Variants in ACSS1 observed in about 807,000 individuals in gnomAD.
ACSS1 encodes the protein acetyl-coenzyme A synthetase 2-like, mitochondrial.
ACSS1 carries 42 observed loss-of-function variants against 75.3 expected under a neutral mutation model. The observed-to-expected ratio is 0.56, with a 90% confidence interval of 0.44 to 0.72. ACSS1 has a LOEUF of 0.72. ACSS1 is among the 30% of genes least tolerant of loss of function. The pLI, the probability that ACSS1 is intolerant of heterozygous loss-of-function variation, is 0.00. For synonymous variants in ACSS1, 380 were observed against 376.8 expected, an observed-to-expected ratio of 1.01 and a Z score of -0.10; for missense variants, 782 against 935.7, an observed-to-expected ratio of 0.84 and a Z score of 2.14.
At chr20:25,033,564 C>T (rs1448661493) in intron 2 of ACSS1, among the ~76,000 whole-genome samples, 1 of 152,222 alleles carries the variant, frequency 6.6e-6, no homozygotes, top group Non-Finnish European at 1.5e-5. Flanking sequence ...TCTAAAATGA[C>T]AAAAACCAGC....
At chr20:25,057,651 G>A (rs1350000754) in intron 1 of ACSS1, 118 bp downstream of exon 1, 11 of 975,848 alleles carry the variant, frequency 1.1e-5, no homozygotes, top group Non-Finnish European at 1.6e-5. Context: ...ACCGGAGGAG[G>A]GGCCCCTGCA....
rs769698707 is a variant in ACSS1, at chr20:25,057,895, C to G, written c.208G>C (p.Ala70Pro). ...CGCGCCAGAGGCCCCCAGAAGGCGG[C>G]CGGCTCCCGGGCTGCCTGTGCACTC... is the stretch of plus-strand genomic sequence containing the variant. The part of the protein sequence containing the change: ...ALSAQAAREP[A>P]AFWGPLARDT... Residue 70 changes from alanine (A) to proline (P), a missense_variant, in exon 1 of 14, where the codon GCC becomes CCC. This residue lies in a region of ACSS1 where 377 missense variants were observed against 383.1 expected (regional missense o/e 0.98). Coordinates refer to ENST00000323482, the MANE Select transcript of ACSS1 (RefSeq NM_032501.4). 1 of 1,612,288 alleles carries G rather than the reference C, an allele frequency of 6.2e-7. No homozygotes were observed. Among genetic ancestry groups the G allele is most frequent in the Admixed American group, 1.7e-5 (1 of 59,964 alleles).
intron 1 of ACSS1, among the ~76,000 whole-genome samples, chr20:25,052,609 C>T (rs1293131882): frequency 6.6e-6 from 1 of 152,270 alleles, no homozygotes; most frequent in African/African-American, 2.4e-5. Flanking sequence ...GGTTCATCTC[C>T]TCATTAGAAT....
At chr20:25,024,832 T>A (rs2088687804) in intron 3 of ACSS1, among the ~76,000 whole-genome samples, 1 of 152,146 alleles carries the variant, frequency 6.6e-6, no homozygotes, top group Admixed American at 6.5e-5. Context: ...CTGAGAATTT[T>A]CCAGCACACA....
intron 2 of ACSS1, 40 bp from the exon 3 acceptor site, chr20:25,030,998 G>A (rs1195002650): frequency 2.5e-6 from 4 of 1,602,528 alleles, no homozygotes; most frequent in Non-Finnish European, 3.4e-6. Flanking sequence ...AGATGGAGGA[G>A]GGCCAAAATG....
chr20:25,041,611 G>C (rs1371374391), intron 2 of ACSS1, among the ~76,000 whole-genome samples: 1 of 152,136 alleles, frequency 6.6e-6, no homozygotes, highest in Non-Finnish European at 1.5e-5. Flanking sequence ...CACAAAAGTG[G>C]CCCCATTCAC....
In ACSS1 at chr20:25,006,406, T is replaced by C; in HGVS notation, c.*1356A>G. The C allele has an allele frequency of 5.9e-6, 1 of 168,274 alleles. No homozygotes were observed. The highest frequency in any genetic ancestry group is 1.6e-4 in the South Asian group (1 of 6,410). 10.4% of individuals were successfully genotyped at this position (168,274 alleles called of 1,614,324 possible). ...CAGGGCACAGCTTTGTTGCTAAGCC[T>C]GTAACAAAAGACCACCACTCAGTAT... is the stretch of plus-strand genomic sequence containing the variant. On this transcript the variant is annotated 3_prime_UTR_variant, in exon 14 of 14. Transcript: ENST00000323482.
Position 25,007,744 on chromosome 20 carries a change from G to A in ACSS1, c.*18C>T. 5.0e-6 allele frequency: 8 copies of A among 1,612,134 alleles called. No homozygotes were observed. The highest frequency in any genetic ancestry group is 6.8e-6 in the Non-Finnish European group (8 of 1,178,636). Reference sequence around the variant, plus strand: ...GCTTGGGTGCCCGCCCATCCCAAGAGCCCCACAAGGTGCCAGCTCACTTAG... The same window carrying A: ...GCTTGGGTGCCCGCCCATCCCAAGAACCCCACAAGGTGCCAGCTCACTTAG... On this transcript the variant is annotated 3_prime_UTR_variant, in exon 14 of 14. Coordinates refer to ENST00000323482, the MANE Select transcript of ACSS1 (RefSeq NM_032501.4).
intron 9 of ACSS1, 54 bp from the exon 10 acceptor site, chr20:25,013,716 G>A: frequency 1.3e-6 from 2 of 1,553,964 alleles, no homozygotes; most frequent in East Asian, 2.3e-5. Context: ...TGAGAAGTGT[G>A]CCAAAAAATG....
At position 25,008,061 on chromosome 20, in the gene ACSS1, T is replaced by C. The variant is rs2088341935; in HGVS notation, c.1891-120A>G. 7 of 1,301,618 alleles carry C rather than the reference T, an allele frequency of 5.4e-6. No homozygotes were observed. The African/African-American group carries it at 7.5e-5, about 14-fold the overall frequency. The allele number at this position is 1,301,618 out of a possible 1,614,324, so 80.6% of individuals were successfully genotyped here. On this transcript the variant is annotated intron_variant, in intron 13 of 13. Coordinates refer to ENST00000323482, the MANE Select transcript of ACSS1 (RefSeq NM_032501.4). ...GGGATGCCCTCCCGGGGATCCACAGTGGATGTCTAAGCCTCCACCCCAGAG... is the reference window on the plus strand; with the variant it reads ...GGGATGCCCTCCCGGGGATCCACAGCGGATGTCTAAGCCTCCACCCCAGAG...
chr20:25,023,072 A>C lies in ACSS1; in HGVS notation c.828T>G (p.Pro276=), dbSNP rs767635662. ...TGCCCATGCTCTCTGGGGCGCAAAC[A>C]GGGTCCTCCTTGGCCATTTCCTGGC... The part of the protein sequence containing the change: ...PLEQEMAKED[P]VCAPESMGSE... Residue 276 remains proline (P), a synonymous_variant, in exon 5 of 14, where the codon CCT becomes CCG. Coordinates refer to ENST00000323482, the MANE Select transcript of ACSS1 (RefSeq NM_032501.4). 19 of 1,613,166 alleles carry C rather than the reference A, an allele frequency of 1.2e-5. No individual in the cohort carries two copies. The highest frequency in any genetic ancestry group is 1.4e-5 in the Non-Finnish European group (17 of 1,179,632).
At position 25,022,848 on chromosome 20, in the gene ACSS1, C is replaced by T. The variant is rs113213541; in HGVS notation, c.960+92G>A. 4,886 of 1,447,792 alleles carry T rather than the reference C, an allele frequency of 3.4e-3. 131 individuals are homozygous for T. The African/African-American group carries it at 0.056, about 17-fold the overall frequency. The allele number at this position is 1,447,792 out of a possible 1,614,324, so 89.7% of individuals were successfully genotyped here. A position where few individuals can be genotyped will look rare whatever the true frequency, so the allele number is the denominator to read the frequency against. ...AGGAAGAAACACTGACCTCTCACACCTACAGGCCTCGCTCTGCAGCAGGAG... is the reference window on the plus strand; with the variant it reads ...AGGAAGAAACACTGACCTCTCACACTTACAGGCCTCGCTCTGCAGCAGGAG... On this transcript the variant is annotated intron_variant, in intron 5 of 13. Transcript: ENST00000323482.
intron 3 of ACSS1, among the ~76,000 whole-genome samples, chr20:25,026,475 G>A (rs1402134347): frequency 6.6e-6 from 1 of 152,134 alleles, no homozygotes; most frequent in Admixed American, 6.5e-5. Context: ...CTATGAGGAA[G>A]CCCAAGTCAG....
intron 2 of ACSS1, among the ~76,000 whole-genome samples, chr20:25,034,232 A>T (rs982979917): frequency 1.3e-5 from 2 of 152,186 alleles, no homozygotes; most frequent in Non-Finnish European, 2.9e-5. Flanking sequence ...AGCTCACCTC[A>T]TGGGGCCACA....
intron 2 of ACSS1, chr20:25,046,775 G>T: frequency 1.3e-6 from 1 of 779,442 alleles, no homozygotes; most frequent in South Asian, 1.3e-5. Context: ...GTGTGCAGGG[G>T]CCACCTGGGG....
At chr20:25,020,297 A>T in intron 6 of ACSS1, 150 bp from the exon 7 acceptor site, 1 of 986,100 alleles carries the variant, frequency 1.0e-6, no homozygotes, top group Non-Finnish European at 1.4e-6. Context: ...CACCCCCGCC[A>T]GTGAAAGATG....
chr20:25,041,122 G>A (rs1423548753), intron 2 of ACSS1, among the ~76,000 whole-genome samples: 2 of 152,108 alleles, frequency 1.3e-5, no homozygotes, highest in Non-Finnish European at 2.9e-5. Context: ...GCCGGGCGTG[G>A]TGGCAGGTGC....
At chr20:25,049,049 A>G (rs2089140986) in intron 1 of ACSS1, among the ~76,000 whole-genome samples, 1 of 152,192 alleles carries the variant, frequency 6.6e-6, no homozygotes, top group African/African-American at 2.4e-5. Flanking sequence ...CTGGTCTCTC[A>G]GGGTCACCCC....
intron 13 of ACSS1, 60 bp downstream of exon 13, chr20:25,009,210 C>T: frequency 7.3e-7 from 1 of 1,370,942 alleles, no homozygotes; most frequent in Non-Finnish European, 1.0e-6. Context: ...AGATCATTGT[C>T]ACTTGACAAT....
Sources: allele counts gnomAD v4.1 joint callset (sites outside exome capture counted in the v4.1 genomes callset), GRCh38; gene constraint gnomAD v4.1.1; regional missense constraint gnomAD v4.1.1; transcripts MANE v1.5; gene names NCBI Gene and HGNC (gene_info 2026-07-23, HGNC 2026-07-21).